Variants in KCNMA1 observed in about 807,000 individuals in gnomAD.
KCNMA1 encodes potassium calcium-activated channel subfamily M alpha 1, also known as Calcium-activated potassium channel subunit alpha-1.
KCNMA1 carries 29 observed loss-of-function variants against 140.0 expected under a neutral mutation model. That is an observed-to-expected ratio of 0.21 (90% confidence interval 0.15 to 0.28). The LOEUF (loss-of-function observed/expected upper bound fraction) is 0.28. Among genes scored for constraint, KCNMA1 ranks in the 10% least tolerant of loss-of-function variants. The probability of loss-of-function intolerance (pLI) is 1.00; values close to 1 mark genes in which losing one functional copy is unlikely to be tolerated. For synonymous variants in KCNMA1, 612 were observed against 611.9 expected (o/e 1.00, Z 0.00); for missense variants, 880 against 1,602.2 (o/e 0.55, Z 7.70).
chr10:76,962,558 T>C (rs1293683655), intron 20 of KCNMA1, among the ~76,000 whole-genome samples: 1 of 152,174 alleles, frequency 6.6e-6, no homozygotes, highest in Non-Finnish European at 1.5e-5. Flanking sequence ...AACAAGACAT[T>C]TCTCAGACTT....
chr10:77,628,845 G>A (rs959147094), intron 1 of KCNMA1, among the ~76,000 whole-genome samples: 1 of 151,956 alleles, frequency 6.6e-6, no homozygotes, highest in South Asian at 2.1e-4. Context: ...AAACCCTCAG[G>A]AATGACAGCC....
rs182765963 is a variant in KCNMA1 at position 77,333,593 on chromosome 10, T to G, written c.540+70269A>C. On this transcript the variant is annotated intron_variant, in intron 2 of 27. Transcript: ENST00000286628. ...AACACATTTTAATGGAATGGCAACA[T>G]TTTTAGGCCTCAACTCATTCTGGGC... Among the ~76,000 whole-genome samples the G allele has an allele frequency of 3.9e-5, 6 of 152,298 alleles. No homozygotes were observed. In the South Asian group the frequency reaches 6.2e-4, roughly 16 times the overall value.
rs9299540 is a variant in KCNMA1, at chr10:77,118,488, C to T, written c.884+2485G>A. On this transcript the variant is annotated intron_variant, in intron 6 of 27. Transcript: ENST00000286628. Reference sequence around the variant, plus strand: ...CCTTTCCTACCCTCTTAACCTCATCCTCCTCTTTCCATCACAGAACGCTTA... The same window carrying T: ...CCTTTCCTACCCTCTTAACCTCATCTTCCTCTTTCCATCACAGAACGCTTA... Among the ~76,000 whole-genome samples the T allele has an allele frequency of 2.6e-3, 389 of 152,322 alleles. 1 individual carries two copies. The highest frequency in any genetic ancestry group is 8.5e-3 in the African/African-American group (352 of 41,574).
chr10:77,240,910 A>G (rs908928487), intron 3 of KCNMA1, among the ~76,000 whole-genome samples: 1 of 152,222 alleles, frequency 6.6e-6, no homozygotes, highest in Admixed American at 6.5e-5. Flanking sequence ...TTAAACCAGT[A>G]AGACTCATTG....
intron 9 of KCNMA1, among the ~76,000 whole-genome samples, chr10:77,101,260 A>G (rs532983849): frequency 6.6e-6 from 1 of 152,224 alleles, no homozygotes; most frequent in Non-Finnish European, 1.5e-5. Context: ...TTGGGTATCT[A>G]CCCCTCAGCA....
At position 77,436,990 on chromosome 10, in the gene KCNMA1, AC is replaced by A. The variant is rs1566843234; in HGVS notation, c.379-32968del. On this transcript the variant is annotated intron_variant, in intron 1 of 27. Coordinates refer to ENST00000286628, the MANE Select transcript of KCNMA1 (RefSeq NM_001161352.2). Reference sequence around the variant, plus strand: ...CACACACACACACACACACACACACACACACACTCCTTCAGCCAAAATGTTC... The same window carrying A: ...CACACACACACACACACACACACACAACACACTCCTTCAGCCAAAATGTTC... 5.4e-3 allele frequency among the ~76,000 whole-genome samples: 809 copies of A among 148,532 alleles called. 3 individuals are homozygous for A. Among genetic ancestry groups the A allele is most frequent in the Non-Finnish European group, 8.2e-3 (553 of 67,806 alleles).
chr10:77,262,749 C>T (rs1190951827), intron 2 of KCNMA1, among the ~76,000 whole-genome samples: 1 of 152,054 alleles, frequency 6.6e-6, no homozygotes, highest in Non-Finnish European at 1.5e-5. Context: ...TTGCCTTCCG[C>T]CATGATTGTA....
At chr10:77,022,995 G>A (rs915083172) in intron 16 of KCNMA1, 4 of 453,792 alleles carry the variant, frequency 8.8e-6, no homozygotes, top group Middle Eastern at 3.3e-4. Flanking sequence ...AGAGAAATAT[G>A]GGTTCCTAGA....
intron 2 of KCNMA1, among the ~76,000 whole-genome samples, chr10:77,334,020 A>G (rs2087763686): frequency 6.6e-6 from 1 of 152,218 alleles, no homozygotes; most frequent in Non-Finnish European, 1.5e-5. Flanking sequence ...GTAAGCCCAC[A>G]TAGATTTGTT....
chr10:76,899,540 T>C (rs746080372), intron 25 of KCNMA1, among the ~76,000 whole-genome samples: 7 of 152,158 alleles, frequency 4.6e-5, no homozygotes, highest in African/African-American at 7.2e-5. Flanking sequence ...CCATGTCCAT[T>C]TGTTTATGTA....
chr10:77,225,289 A>G (rs764991836), intron 3 of KCNMA1, among the ~76,000 whole-genome samples: 1 of 152,198 alleles, frequency 6.6e-6, no homozygotes. Context: ...TGTCTTGAGC[A>G]CATCCATTTC....
At chr10:77,144,814 G>T (rs1425552875) in intron 5 of KCNMA1, among the ~76,000 whole-genome samples, 1 of 152,172 alleles carries the variant, frequency 6.6e-6, no homozygotes, top group South Asian at 2.1e-4. Flanking sequence ...AATTGGAGAA[G>T]TGAAGGATTT....
At chr10:77,482,129 T>G (rs948858827) in intron 1 of KCNMA1, among the ~76,000 whole-genome samples, 6 of 152,232 alleles carry the variant, frequency 3.9e-5, no homozygotes, top group African/African-American at 1.4e-4. Flanking sequence ...GATTAAATAT[T>G]TGATAGCCCT....
intron 3 of KCNMA1, 103 bp downstream of exon 3, chr10:77,251,092 A>C: frequency 1.1e-6 from 1 of 914,652 alleles, no homozygotes. Context: ...TTCTGCACTC[A>C]GAAGGTCTTG....
intron 1 of KCNMA1, among the ~76,000 whole-genome samples, chr10:77,440,620 T>C (rs987359168): frequency 1.3e-5 from 2 of 152,098 alleles, no homozygotes; most frequent in Non-Finnish European, 2.9e-5. Context: ...ACATGATTAA[T>C]TGTCAAATGA....
chr10:77,135,367 A>G (rs1490211007), intron 5 of KCNMA1, among the ~76,000 whole-genome samples: 1 of 152,178 alleles, frequency 6.6e-6, no homozygotes, highest in Non-Finnish European at 1.5e-5. Flanking sequence ...ATGTGGGAAA[A>G]AGGAACCCTT....
At chr10:77,413,878 G>A (rs1185277118) in intron 1 of KCNMA1, among the ~76,000 whole-genome samples, 1 of 152,168 alleles carries the variant, frequency 6.6e-6, no homozygotes, top group Non-Finnish European at 1.5e-5. Context: ...TTATAAAGAA[G>A]CTGGGACCTA....
intron 2 of KCNMA1, among the ~76,000 whole-genome samples, chr10:77,352,799 G>C: frequency 6.6e-6 from 1 of 152,290 alleles, no homozygotes; most frequent in South Asian, 2.1e-4. Flanking sequence ...ACTCCCTCTG[G>C]GCAGTACTGT....
At chr10:77,407,841 C>G (rs1432588026) in intron 1 of KCNMA1, among the ~76,000 whole-genome samples, 1 of 152,206 alleles carries the variant, frequency 6.6e-6, no homozygotes, top group African/African-American at 2.4e-5. Context: ...GAGTAATCCA[C>G]TGAAGCTGCA....
Sources: gnomAD v4.1 joint callset for allele counts (sites outside exome capture counted in the v4.1 genomes callset) on GRCh38, gnomAD v4.1.1 for gene constraint, MANE v1.5 for transcripts, NCBI Gene and HGNC (gene_info 2026-07-23, HGNC 2026-07-21) for gene names.